Variants in PCDHGA2 observed in about 807,000 individuals in gnomAD.
PCDHGA2 encodes the protein protocadherin gamma-A2.
PCDHGA2 carries 40 observed loss-of-function variants against 59.2 expected under a neutral mutation model. The observed-to-expected ratio is 0.68, with a 90% confidence interval of 0.52 to 0.88. PCDHGA2 has a LOEUF of 0.88. PCDHGA2 is among the 40% of genes least tolerant of loss of function. The pLI is 0.00. For synonymous variants in PCDHGA2, 560 were observed against 526.0 expected (o/e 1.06, Z -0.89); for missense variants, 1,226 against 1,204.0 (o/e 1.02, Z -0.27).
At chr5:141,427,519 G>A (rs1428732557) in intron 1 of PCDHGA2, 1 of 602,000 alleles carries the variant, frequency 1.7e-6, no homozygotes, top group Non-Finnish European at 3.1e-6. Context: ...GATTGGGAGC[G>A]GATCCCGGAG....
chr5:141,388,378 A>G, intron 1 of PCDHGA2: 1 of 1,614,028 alleles, frequency 6.2e-7, no homozygotes, highest in Non-Finnish European at 8.5e-7. Context: ...ATTGGTAGCA[A>G]CACACTGCAG....
Position 141,507,906 on chromosome 5 carries a change from G to A in PCDHGA2, c.2572+2425G>A, listed in dbSNP as rs2099864753. ...AGAGAGGTTCCTGAAGTCCAGCCCA[G>A]CCAGGCCTGTGGGGCTGCTGAGAGG... On this transcript the variant is annotated intron_variant, in intron 3 of 3. Coordinates refer to ENST00000394576, the MANE Select transcript of PCDHGA2 (RefSeq NM_018915.4). Among the ~76,000 whole-genome samples, 4 of 152,216 alleles carry A rather than the reference G, an allele frequency of 2.6e-5. No homozygotes were observed. The South Asian group carries it at 8.3e-4, about 32-fold the overall frequency.
intron 1 of PCDHGA2, among the ~76,000 whole-genome samples, chr5:141,368,453 G>A (rs775342461): frequency 2.2e-4 from 33 of 151,956 alleles, no homozygotes; most frequent in Non-Finnish European, 4.1e-4. Flanking sequence ...CAAACTCACC[G>A]AATAGTGAAT....
chr5:141,477,569 G>A lies in PCDHGA2; in HGVS notation c.2425-17238G>A. The A allele has an allele frequency of 6.2e-7, 1 of 1,614,104 alleles. No homozygotes were observed. Among genetic ancestry groups the A allele is most frequent in the Non-Finnish European group, 8.5e-7 (1 of 1,180,024 alleles). On this transcript the variant is annotated intron_variant, in intron 1 of 3. Coordinates refer to ENST00000394576, the MANE Select transcript of PCDHGA2 (RefSeq NM_018915.4). This position sits in a 1 kb window ranked among gnomAD's most constrained non-coding sequence, Gnocchi z 4.9. ...ACTAAACCTAAGTGTCTGGGACCCC[G>A]ACGCCCCGCAGAATGCTCGGCTTTC...
intron 1 of PCDHGA2, chr5:141,345,920 G>C: frequency 6.2e-7 from 1 of 1,613,376 alleles, no homozygotes; most frequent in Non-Finnish European, 8.5e-7. Context: ...TGCGCACGGC[G>C]CGAGCCCTGC....
intron 1 of PCDHGA2, among the ~76,000 whole-genome samples, chr5:141,492,409 C>G (rs1367119266): frequency 6.6e-6 from 1 of 152,230 alleles, no homozygotes; most frequent in Non-Finnish European, 1.5e-5. Flanking sequence ...TCCCCTCTGC[C>G]GCTCCCTCCG....
intron 1 of PCDHGA2, chr5:141,371,148 G>T (rs759466044): frequency 9.9e-6 from 16 of 1,613,892 alleles, no homozygotes; most frequent in South Asian, 4.4e-5. Context: ...GGTCAATGTT[G>T]CAGAGAACCT....
chr5:141,475,572 C>T (rs2099365596), intron 1 of PCDHGA2, among the ~76,000 whole-genome samples: 1 of 152,214 alleles, frequency 6.6e-6, no homozygotes, highest in South Asian at 2.1e-4. Context: ...TTCCAACAAG[C>T]CAGATTTGTT....
At position 141,432,395 on chromosome 5, in the gene PCDHGA2, G is replaced by T. The variant is rs748660079; in HGVS notation, c.2425-62412G>T. On this transcript the variant is annotated intron_variant, in intron 1 of 3. Coordinates refer to ENST00000394576, the MANE Select transcript of PCDHGA2 (RefSeq NM_018915.4). This position sits in a 1 kb window ranked among gnomAD's most constrained non-coding sequence, Gnocchi z 6.0. ...CGGGCACCCGCCCCTCAGCAGCAAC[G>T]TGTCGTTGAGCCTGTTCGTGCTGGA... 5 of 1,614,242 alleles carry T rather than the reference G, an allele frequency of 3.1e-6. No individual in the cohort carries two copies. In the East Asian group the frequency reaches 8.9e-5, roughly 29 times the overall value.
chr5:141,476,922 C>T lies in PCDHGA2; in HGVS notation c.2425-17885C>T. 4 of 1,614,120 alleles carry T rather than the reference C, an allele frequency of 2.5e-6. No individual in the cohort carries two copies. Among genetic ancestry groups the T allele is most frequent in the Non-Finnish European group, 2.5e-6 (3 of 1,180,050 alleles). On this transcript the variant is annotated intron_variant, in intron 1 of 3. Transcript: ENST00000394576. The surrounding 1 kb of genome is among the most constrained non-coding windows in gnomAD (Gnocchi z 7.6). ...ACGCGCGTGGTACAAGTCCTTGCAA[C>T]GGATCTGGATGAAGGCCCCAACGGT...
In PCDHGA2 at chr5:141,487,917, CTACAGTGCACAGGG is replaced by C; in HGVS notation, c.2425-6879_2425-6866del. On this transcript the variant is annotated intron_variant, in intron 1 of 3. Coordinates refer to ENST00000394576, the MANE Select transcript of PCDHGA2 (RefSeq NM_018915.4). The surrounding 1 kb of genome is among the most constrained non-coding windows in gnomAD (Gnocchi z 5.0). ...TGATGGAATGTGGGAGCACAGGAGG[CTACAGTGCACAGGG>C]TACAGTGCACCAGGCAGTCACTTGG... 1 of 647,994 alleles carries C rather than the reference CTACAGTGCACAGGG, an allele frequency of 1.5e-6. No homozygotes were observed. The highest frequency in any genetic ancestry group is 2.7e-6 in the Non-Finnish European group (1 of 377,182). 40.1% of individuals were successfully genotyped at this position (647,994 alleles called of 1,614,324 possible).
At chr5:141,372,542 A>G in intron 1 of PCDHGA2, 1 of 1,613,892 alleles carries the variant, frequency 6.2e-7, no homozygotes, top group Non-Finnish European at 8.5e-7. Context: ...TGCGCCTGCG[A>G]TGCTCCTCCA....
intron 1 of PCDHGA2, chr5:141,404,726 G>A (rs772532099): frequency 6.2e-7 from 1 of 1,614,094 alleles, no homozygotes; most frequent in Admixed American, 1.7e-5. Context: ...GACCAAGGTG[G>A]TGGCAGTGGA....
chr5:141,382,701 T>G, intron 1 of PCDHGA2: 2 of 460,044 alleles, frequency 4.3e-6, no homozygotes, highest in Non-Finnish European at 7.6e-6. Flanking sequence ...GTGCGAGAGA[T>G]CCCACAGAAA....
chr5:141,410,524 T>A, intron 1 of PCDHGA2: 1 of 1,613,954 alleles, frequency 6.2e-7, no homozygotes. Context: ...TGCCCCTACA[T>A]TCCAATGAAG....
intron 1 of PCDHGA2, chr5:141,364,256 A>G (rs949451057): frequency 6.7e-6 from 10 of 1,494,914 alleles, no homozygotes; most frequent in Non-Finnish European, 8.9e-6. Flanking sequence ...GGGAATATGT[A>G]CCCATCGGCT....
Position 141,489,088 on chromosome 5 carries a change from G to GCCA in PCDHGA2, c.2425-5719_2425-5718insCCA. ...CCCCTGCCCACCCCCGCCACTCGGTGACTAAGAACTGCTGCAAGCAGGCAA... is the reference window on the plus strand; with the variant it reads ...CCCCTGCCCACCCCCGCCACTCGGTGCCAACTAAGAACTGCTGCAAGCAGGCAA... On this transcript the variant is annotated intron_variant, in intron 1 of 3. Coordinates refer to ENST00000394576, the MANE Select transcript of PCDHGA2 (RefSeq NM_018915.4). This position sits in a 1 kb window ranked among gnomAD's most constrained non-coding sequence, Gnocchi z 4.5. The GCCA allele has an allele frequency of 2.9e-6, 1 of 347,238 alleles. No individual in the cohort carries two copies. 21.5% of individuals were successfully genotyped at this position (347,238 alleles called of 1,614,324 possible). A position where few individuals can be genotyped will look rare whatever the true frequency, so the allele number is the denominator to read the frequency against.
At chr5:141,479,189 G>A (rs1466742057) in intron 1 of PCDHGA2, 3 of 152,358 alleles carry the variant, frequency 2.0e-5, no homozygotes, top group African/African-American at 7.2e-5. Flanking sequence ...AGAAAATTCA[G>A]AAAATACAGA....
chr5:141,361,636 A>G (rs767493690), intron 1 of PCDHGA2: 3 of 1,613,640 alleles, frequency 1.9e-6, no homozygotes, highest in African/African-American at 1.3e-5. Context: ...GCCGCGGGAG[A>G]TTTTATCCTA....
Sources: gnomAD v4.1 joint callset for allele counts (sites outside exome capture counted in the v4.1 genomes callset) on GRCh38, gnomAD v4.1.1 for gene constraint, Gnocchi (gnomAD v3.1) non-coding constraint, MANE v1.5 for transcripts, NCBI Gene and HGNC (gene_info 2026-07-23, HGNC 2026-07-21) for gene names.